NKAIN2: variants seen among roughly 807,000 people sequenced by gnomAD.
NKAIN2 encodes sodium/potassium transporting ATPase interacting 2, also known as sodium/potassium-transporting ATPase subunit beta-1-interacting protein 2.
In NKAIN2, 14 loss-of-function variants were observed where a neutral mutation model predicts 32.6. The observed-to-expected ratio is 0.43, with a 90% CI of 0.28 to 0.67. The LOEUF is 0.67. Ranked by LOEUF, NKAIN2 falls within the 30% of genes least tolerant of loss-of-function variation. The pLI, the probability that NKAIN2 is intolerant of heterozygous loss-of-function variation, is 0.17. For missense variants in NKAIN2, 198 were observed against 258.3 expected (o/e 0.77, Z 1.60); for synonymous variants, 80 against 87.2 (o/e 0.92, Z 0.46).
chr6:124,726,192 G>T (rs1473616100), intron 4 of NKAIN2, among the ~76,000 whole-genome samples: 1 of 152,204 alleles, frequency 6.6e-6, no homozygotes, highest in Non-Finnish European at 1.5e-5. Context: ...AGCTCCAACT[G>T]GGCGGAGCCC....
intron 1 of NKAIN2, among the ~76,000 whole-genome samples, chr6:123,919,005 C>T (rs1219039166): frequency 6.6e-6 from 1 of 152,104 alleles, no homozygotes; most frequent in African/African-American, 2.4e-5. Flanking sequence ...GTCTCTCTCT[C>T]TCTCTCAGAG....
chr6:124,556,373 TAAG>T (rs1373787864), intron 3 of NKAIN2, among the ~76,000 whole-genome samples: 5 of 152,232 alleles, frequency 3.3e-5, no homozygotes, highest in Non-Finnish European at 7.3e-5. Context: ...GTGATGGTAT[TAAG>T]AAGTGGCACT....
chr6:124,151,415 A>G (rs915037827), intron 1 of NKAIN2, among the ~76,000 whole-genome samples: 1 of 151,990 alleles, frequency 6.6e-6, no homozygotes, highest in African/African-American at 2.4e-5. Context: ...TTCCATGTAT[A>G]TGGACTCTTG....
chr6:124,342,698 G>A (rs1029388771), intron 2 of NKAIN2, among the ~76,000 whole-genome samples: 46 of 151,536 alleles, frequency 3.0e-4, no homozygotes, highest in African/African-American at 8.5e-4. Flanking sequence ...TTGTAGGGAC[G>A]GGGTTTCATC....
At chr6:124,179,695 T>C (rs1205014229) in intron 1 of NKAIN2, among the ~76,000 whole-genome samples, 1 of 152,186 alleles carries the variant, frequency 6.6e-6, no homozygotes, top group Admixed American at 6.5e-5. Flanking sequence ...ATATTGGGCC[T>C]TTTATCCACA....
intron 1 of NKAIN2, among the ~76,000 whole-genome samples, chr6:123,926,500 G>A (rs1776011051): frequency 6.6e-6 from 1 of 151,486 alleles, no homozygotes; most frequent in African/African-American, 2.4e-5. Flanking sequence ...GATTCCTACT[G>A]CAGTGTTCCC....
At chr6:124,388,867 T>C (rs939084861) in intron 3 of NKAIN2, among the ~76,000 whole-genome samples, 82 of 152,162 alleles carry the variant, frequency 5.4e-4, no homozygotes, top group African/African-American at 1.9e-3. Context: ...TCAGTGATTT[T>C]CCTGATTAAA....
intron 1 of NKAIN2, among the ~76,000 whole-genome samples, chr6:124,251,750 A>G (rs754307322): frequency 1.4e-4 from 21 of 152,088 alleles, no homozygotes; most frequent in Non-Finnish European, 2.8e-4. Context: ...GTGCAAAGGG[A>G]CCCTTCAATC....
chr6:123,850,712 TCA>T (rs1489438357), intron 1 of NKAIN2, among the ~76,000 whole-genome samples: 1 of 152,224 alleles, frequency 6.6e-6, no homozygotes, highest in African/African-American at 2.4e-5. Context: ...ATGCATTACT[TCA>T]CACGCTTATT....
chr6:124,673,525 T>C (rs1773204378), intron 4 of NKAIN2, among the ~76,000 whole-genome samples: 1 of 152,094 alleles, frequency 6.6e-6, no homozygotes, highest in Non-Finnish European at 1.5e-5. Flanking sequence ...TCCACATCGT[T>C]GTCAACACTT....
chr6:124,032,560 A>G lies in NKAIN2; in HGVS notation c.54+228306A>G, dbSNP rs545463253. ...TTGTTGTCATTTTTACCATTATTTG[A>G]TAAAGGTAAGTAGACAAATAGATAA... is the stretch of plus-strand genomic sequence containing the variant. On this transcript the variant is annotated intron_variant, in intron 1 of 6. Transcript: ENST00000368417. Among the ~76,000 whole-genome samples, 3 of 152,172 alleles carry G rather than the reference A, an allele frequency of 2.0e-5. No homozygotes were observed. In the South Asian group the frequency reaches 6.2e-4, roughly 32 times the overall value.
chr6:124,662,924 G>T lies in NKAIN2; in HGVS notation c.474+4538G>T, dbSNP rs142940425. Among the ~76,000 whole-genome samples, 56 of 152,260 alleles carry T rather than the reference G, an allele frequency of 3.7e-4. No homozygotes were observed. The East Asian group carries it at 9.5e-3, about 26-fold the overall frequency. Reference sequence around the variant, plus strand: ...TTCACGTTTTACATGTTAAATCTAAGTTGTGAACTTGTGTAGTTTGAAAGG... The same window carrying T: ...TTCACGTTTTACATGTTAAATCTAATTTGTGAACTTGTGTAGTTTGAAAGG... On this transcript the variant is annotated intron_variant, in intron 4 of 6. Coordinates refer to ENST00000368417, the MANE Select transcript of NKAIN2 (RefSeq NM_001040214.3).
intron 4 of NKAIN2, among the ~76,000 whole-genome samples, chr6:124,675,610 G>A (rs1773321240): frequency 6.6e-6 from 1 of 151,926 alleles, no homozygotes; most frequent in Admixed American, 6.6e-5. Context: ...ATTTATTCAT[G>A]TCTTCCAAGT....
At position 124,279,871 on chromosome 6, in the gene NKAIN2, A is replaced by G. The variant is rs73565630; in HGVS notation, c.55-3134A>G. The stretch of plus-strand genomic sequence containing the variant: ...AATAGATGCAGAAATAATAACTGAT[A>G]AAGATTAGTCACTATTGATGTTACA... On this transcript the variant is annotated intron_variant, in intron 1 of 6. Transcript: ENST00000368417. 6.4e-3 allele frequency among the ~76,000 whole-genome samples: 972 copies of G among 152,326 alleles called. 12 individuals are homozygous for G. The highest frequency in any genetic ancestry group is 0.022 in the African/African-American group (918 of 41,574).
rs544939626 is a variant in NKAIN2, at chr6:124,182,053, A to G, written c.55-100952A>G. On this transcript the variant is annotated intron_variant, in intron 1 of 6. Transcript: ENST00000368417. Reference sequence around the variant, plus strand: ...TAAAGGAAAGAGGTTTAATTGTCTCACAGGCTAGGGAGACCTCACGATCAT... The same window carrying G: ...TAAAGGAAAGAGGTTTAATTGTCTCGCAGGCTAGGGAGACCTCACGATCAT... Among the ~76,000 whole-genome samples the G allele has an allele frequency of 5.9e-5, 9 of 152,314 alleles. No homozygotes were observed. The South Asian group carries it at 1.9e-3, about 32-fold the overall frequency.
At chr6:124,743,639 GGCA>G (rs1777325476) in intron 4 of NKAIN2, among the ~76,000 whole-genome samples, 1 of 151,838 alleles carries the variant, frequency 6.6e-6, no homozygotes, top group Non-Finnish European at 1.5e-5. Context: ...CAAAGCTTCA[GGCA>G]GCTGTTTCTG....
intron 1 of NKAIN2, among the ~76,000 whole-genome samples, chr6:123,848,123 G>A (rs897955384): frequency 1.3e-5 from 2 of 152,186 alleles, no homozygotes; most frequent in African/African-American, 4.8e-5. Context: ...TGACACTATA[G>A]TGACTAAACT....
chr6:123,897,049 T>C (rs934406561), intron 1 of NKAIN2, among the ~76,000 whole-genome samples: 1 of 152,190 alleles, frequency 6.6e-6, no homozygotes, highest in African/African-American at 2.4e-5. Flanking sequence ...GATATGAATC[T>C]CTTTCTTCCT....
chr6:124,782,273 G>T (rs984258525), intron 4 of NKAIN2, among the ~76,000 whole-genome samples: 1 of 151,930 alleles, frequency 6.6e-6, no homozygotes, highest in African/African-American at 2.4e-5. Flanking sequence ...CATCATTTTT[G>T]TATAATATTA....
Sources: allele counts gnomAD v4.1 joint callset (sites outside exome capture counted in the v4.1 genomes callset), GRCh38; gene constraint gnomAD v4.1.1; transcripts MANE v1.5; gene names NCBI Gene and HGNC (gene_info 2026-07-23, HGNC 2026-07-21).